Variants in LOC128706665 observed in about 807,000 individuals in gnomAD.
the LOC128706665 span, among the ~76,000 whole-genome samples, chr20:10,418,845 T>C: frequency 4.7e-4 from 72 of 152,114 alleles, 1 homozygote; most frequent in South Asian, 4.1e-4. Context: ...AGACTATATA[T>C]ATAAAAATCC....
At chr20:10,418,070 A>T in the LOC128706665 span, among the ~76,000 whole-genome samples, 3 of 152,240 alleles carry the variant, frequency 2.0e-5, no homozygotes, top group Admixed American at 1.3e-4. Flanking sequence ...TGGGTATCAA[A>T]TTGTAGGTAA....
At chr20:10,422,572 G>A in the LOC128706665 span, among the ~76,000 whole-genome samples, 1 of 152,140 alleles carries the variant, frequency 6.6e-6, no homozygotes, top group African/African-American at 2.4e-5. Context: ...GCTGGCCTGT[G>A]TTGATTGACA....
chr20:10,418,602 A>G, the LOC128706665 span, among the ~76,000 whole-genome samples: 1 of 152,114 alleles, frequency 6.6e-6, no homozygotes, highest in African/African-American at 2.4e-5. Flanking sequence ...CTATTGCTGC[A>G]CTGGCATCTA....
chr20:10,432,001 G>C, the LOC128706665 span: 1 of 152,266 alleles, frequency 6.6e-6, no homozygotes, highest in African/African-American at 2.4e-5. Flanking sequence ...GTGCCACCCT[G>C]ACCCCCCTAA....
At chr20:10,422,616 A>G in the LOC128706665 span, among the ~76,000 whole-genome samples, 1 of 152,156 alleles carries the variant, frequency 6.6e-6, no homozygotes, top group Admixed American at 6.5e-5. Context: ...CCTTAACTAA[A>G]GGCCTAGAAG....
chr20:10,422,141 C>T, the LOC128706665 span, among the ~76,000 whole-genome samples: 2 of 152,024 alleles, frequency 1.3e-5, no homozygotes, highest in Non-Finnish European at 2.9e-5. Context: ...AAGATGTTAT[C>T]TTATAGCTAT....
the LOC128706665 span, among the ~76,000 whole-genome samples, chr20:10,429,863 C>T: frequency 2.6e-5 from 4 of 152,156 alleles, no homozygotes; most frequent in East Asian, 7.7e-4. Flanking sequence ...TGCAAATTAT[C>T]AAGCTGCCCC....
the LOC128706665 span, chr20:10,420,590 G>C: frequency 2.0e-5 from 3 of 152,312 alleles, no homozygotes; most frequent in African/African-American, 7.2e-5. Flanking sequence ...GAAAGTCCCA[G>C]ACTATCTTGC....
chr20:10,430,580 C>A, the LOC128706665 span, among the ~76,000 whole-genome samples: 1 of 152,216 alleles, frequency 6.6e-6, no homozygotes, highest in Non-Finnish European at 1.5e-5. Context: ...AGGCCCACTT[C>A]TCTGGGCAGT....
chr20:10,416,137 G>A, the LOC128706665 span, among the ~76,000 whole-genome samples: 3 of 151,054 alleles, frequency 2.0e-5, no homozygotes, highest in South Asian at 2.1e-4. Context: ...TTGGATGCAC[G>A]GGCTTGGCAG....
At chr20:10,413,745 A>G in the LOC128706665 span, 28 of 603,548 alleles carry the variant, frequency 4.6e-5, no homozygotes, top group Non-Finnish European at 8.1e-5. Flanking sequence ...TCACTCTTCA[A>G]TACTCTTTTG....
At chr20:10,414,234 C>G in the LOC128706665 span, among the ~76,000 whole-genome samples, 2 of 149,732 alleles carry the variant, frequency 1.3e-5, no homozygotes, top group African/African-American at 4.9e-5. Context: ...AGAAATGCTA[C>G]GATATAAAAC....
chr20:10,425,024 A>G, the LOC128706665 span, among the ~76,000 whole-genome samples: 21,393 of 151,146 alleles, frequency 0.14, 1,699 homozygotes, highest in East Asian at 0.24. Flanking sequence ...TTGCACTCCC[A>G]CCTAGGCAAC....
chr20:10,429,665 G>T, the LOC128706665 span, among the ~76,000 whole-genome samples: 8 of 152,062 alleles, frequency 5.3e-5, no homozygotes, highest in Non-Finnish European at 1.2e-4. Context: ...TTTTCCTCAT[G>T]CTCCTCATCA....
chr20:10,418,979 G>A, the LOC128706665 span, among the ~76,000 whole-genome samples: 1 of 152,058 alleles, frequency 6.6e-6, no homozygotes, highest in South Asian at 2.1e-4. Flanking sequence ...GTTACTACCT[G>A]GCTTTTATAT....
the LOC128706665 span, among the ~76,000 whole-genome samples, chr20:10,428,465 T>C: frequency 2.6e-5 from 4 of 152,230 alleles, no homozygotes; most frequent in African/African-American, 9.6e-5. Flanking sequence ...AGATAACCTA[T>C]TGGCCAGAGG....
chr20:10,423,964 T>C, the LOC128706665 span, among the ~76,000 whole-genome samples: 1 of 151,430 alleles, frequency 6.6e-6, no homozygotes, highest in Non-Finnish European at 1.5e-5. Flanking sequence ...AAATTCTCCA[T>C]ATCTCATATA....
At chr20:10,421,123 A>G in the LOC128706665 span, among the ~76,000 whole-genome samples, 1 of 152,086 alleles carries the variant, frequency 6.6e-6, no homozygotes, top group African/African-American at 2.4e-5. Context: ...TTTTTAAATT[A>G]TATTTTTTAA....
At chr20:10,426,516 C>G in the LOC128706665 span, among the ~76,000 whole-genome samples, 1 of 152,212 alleles carries the variant, frequency 6.6e-6, no homozygotes, top group African/African-American at 2.4e-5. Flanking sequence ...TCTCGTACCT[C>G]AGCCTCCCAG....
Sources: gnomAD v4.1 joint callset for allele counts (sites outside exome capture counted in the v4.1 genomes callset) on GRCh38, gnomAD v4.1.1 for gene constraint, MANE v1.5 for transcripts.